Variants in GCN1 observed in about 807,000 individuals in gnomAD.
GCN1 encodes the protein stalled ribosome sensor GCN1.
A neutral mutation model predicts 288.4 loss-of-function variants in GCN1; 90 were observed. The observed-to-expected ratio is 0.31, with a 90% CI of 0.26 to 0.37. The LOEUF (loss-of-function observed/expected upper bound fraction) is 0.37, where lower values mean the gene tolerates loss of function less well. GCN1 is among the 10% of genes least tolerant of loss of function. GCN1 has a pLI of 1.00. For synonymous variants in GCN1, 1,386 were observed against 1,420.2 expected (o/e 0.98, Z 0.54); for missense variants, 2,586 against 3,419.9 (o/e 0.76, Z 6.08).
chr12:120,183,953 C>T (rs1168207052), intron 4 of GCN1, among the ~76,000 whole-genome samples, 159 bp downstream of exon 4: 1 of 152,198 alleles, frequency 6.6e-6, no homozygotes, highest in African/African-American at 2.4e-5. Context: ...CTCAAAATGG[C>T]CTTGCTTCCA....
chr12:120,138,051 G>T lies in GCN1; in HGVS notation c.6250-7C>A, dbSNP rs1877070623. 3 of 1,608,828 alleles carry T rather than the reference G, an allele frequency of 1.9e-6. No homozygotes were observed. The highest frequency in any genetic ancestry group is 1.7e-5 in the Admixed American group (1 of 59,134). ...TGACAGGTGGCGTTGTCAGCTGGTGGAATGACAAACATTAACTCAGTGAAT... is the reference window on the plus strand; with the variant it reads ...TGACAGGTGGCGTTGTCAGCTGGTGTAATGACAAACATTAACTCAGTGAAT... On this transcript the variant is annotated splice_polypyrimidine_tract_variant and splice_region_variant and intron_variant, in intron 47 of 57. Transcript: ENST00000300648.
At chr12:120,146,541 G>GT (rs1353406903) in intron 38 of GCN1, among the ~76,000 whole-genome samples, 1 of 151,462 alleles carries the variant, frequency 6.6e-6, no homozygotes, top group African/African-American at 2.4e-5. Flanking sequence ...TGTTTTTCTG[G>GT]TTTTTTAATT....
At chr12:120,177,859 C>T (rs1878529376) in intron 7 of GCN1, 107 bp from the exon 8 acceptor site, 1 of 829,268 alleles carries the variant, frequency 1.2e-6, no homozygotes, top group Non-Finnish European at 2.1e-6. Flanking sequence ...AAATCAATGC[C>T]CCAAATTTCA....
At position 120,153,864 on chromosome 12, in the gene GCN1, G is replaced by C. The variant is rs762466014; in HGVS notation, c.3747C>G (p.Asp1249Glu). ...GAAAGAGTGGCTTCACCTGAGAGCT[G>C]TCCAAATACTGGGAGAGCTTGTTGA... ...LALNKLSQYL[D>E]SSQVKPLFQF... The change falls in exon 32 of 58, where the codon GAC (aspartate) becomes GAG (glutamate). Residue 1249 changes from aspartate (D) to glutamate (E), a missense_variant. Around this residue, in one of 8 missense-constraint regions of GCN1, gnomAD observed 332 missense variants for 403.0 expected, o/e 0.82. Transcript: ENST00000300648. This position sits in a 1 kb window ranked among gnomAD's most constrained non-coding sequence, Gnocchi z 4.4. 4.3e-6 allele frequency: 7 copies of C among 1,613,826 alleles called. No homozygotes were observed. In the Admixed American group the frequency reaches 1.0e-4, roughly 23 times the overall value.
In GCN1 at chr12:120,145,346, A is replaced by C; in HGVS notation, c.4948-16T>G. The stretch of plus-strand genomic sequence containing the variant: ...GAGCCAAGTCCTGCAACAACACAGG[A>C]GGCGGCTCAGGTGAGGCCCGACTCC... On this transcript the variant is annotated splice_polypyrimidine_tract_variant and intron_variant, in intron 38 of 57. Coordinates refer to ENST00000300648, the MANE Select transcript of GCN1 (RefSeq NM_006836.2). 2 of 1,554,152 alleles carry C rather than the reference A, an allele frequency of 1.3e-6. No individual in the cohort carries two copies. Among genetic ancestry groups the C allele is most frequent in the Non-Finnish European group, 1.7e-6 (2 of 1,151,120 alleles).
rs1369645467 is a variant in GCN1 at position 120,158,949 on chromosome 12, T to G, written c.2750-334A>C. On this transcript the variant is annotated intron_variant, in intron 24 of 57. Transcript: ENST00000300648. The surrounding 1 kb of genome is among the most constrained non-coding windows in gnomAD (Gnocchi z 4.3). The stretch of plus-strand genomic sequence containing the variant: ...ATGGCATGAACCCGGGAAGCGGAGC[T>G]GGCAGTGAGCCAAGATGGCGCCACT... Among the ~76,000 whole-genome samples the G allele has an allele frequency of 1.4e-5, 2 of 147,816 alleles. No individual in the cohort carries two copies. Among genetic ancestry groups the G allele is most frequent in the Admixed American group, 1.4e-4 (2 of 14,446 alleles).
intron 13 of GCN1, 59 bp from the exon 14 acceptor site, chr12:120,173,885 G>A: frequency 7.0e-7 from 1 of 1,435,872 alleles, no homozygotes. Context: ...TCAAATCATT[G>A]CAAGCAGTGC....
rs570424463 is a variant in GCN1 at position 120,150,674 on chromosome 12, A to C, written c.4309+471T>G. Among the ~76,000 whole-genome samples, 799 of 152,030 alleles carry C rather than the reference A, an allele frequency of 5.3e-3. 4 individuals carry two copies. The highest frequency in any genetic ancestry group is 8.0e-3 in the Non-Finnish European group (547 of 67,964). ...AATTTGTGGCCGGGCGCGGTGGTTC[A>C]TGCCTGTAATCCCAGCACTTTGGGA... is the stretch of plus-strand genomic sequence containing the variant. On this transcript the variant is annotated intron_variant, in intron 34 of 57. Transcript: ENST00000300648.
Position 120,179,308 on chromosome 12 carries a change from G to A in GCN1, c.427-358C>T, listed in dbSNP as rs550918476. Among the ~76,000 whole-genome samples the A allele has an allele frequency of 3.3e-5, 5 of 151,270 alleles. No homozygotes were observed. The South Asian group carries it at 1.0e-3, about 32-fold the overall frequency. On this transcript the variant is annotated intron_variant, in intron 5 of 57. Transcript: ENST00000300648. ...TGCAGTGGCACAATCTCGGCTCACT[G>A]CAACCTCCACCTCCCGGGTTCAAGT...
chr12:120,143,442 C>T (rs1484883341), intron 42 of GCN1, among the ~76,000 whole-genome samples: 1 of 152,144 alleles, frequency 6.6e-6, no homozygotes, highest in Non-Finnish European at 1.5e-5. Context: ...ATTAGCCAGG[C>T]GTGCTGGCAG....
chr12:120,130,938 G>C (rs1262416493), intron 55 of GCN1, among the ~76,000 whole-genome samples, 185 bp from the exon 56 acceptor site: 1 of 152,106 alleles, frequency 6.6e-6, no homozygotes, highest in African/African-American at 2.4e-5. Context: ...TGGTTCCCAG[G>C]AACAGGGATC....
chr12:120,132,910 T>C (rs1876876201), intron 53 of GCN1, among the ~76,000 whole-genome samples: 3 of 152,120 alleles, frequency 2.0e-5, no homozygotes, highest in Non-Finnish European at 4.4e-5. Flanking sequence ...GAAGCCCAGG[T>C]GCCAAGCTAA....
intron 17 of GCN1, 41 bp from the exon 18 acceptor site, chr12:120,164,536 A>T (rs756855028): frequency 6.2e-7 from 1 of 1,608,128 alleles, no homozygotes; most frequent in Non-Finnish European, 8.5e-7. Context: ...GAAGGCCAAG[A>T]GCAGGGCTTT....
At position 120,158,494 on chromosome 12, in the gene GCN1, G is replaced by C; in HGVS notation, c.2871C>G (p.His957Gln). 1 of 1,562,124 alleles carries C rather than the reference G, an allele frequency of 6.4e-7. No homozygotes were observed. Among genetic ancestry groups the C allele is most frequent in the Non-Finnish European group, 8.7e-7 (1 of 1,152,790 alleles). ...CCTTGCCCACCCTGCTGGTGATGGT[G>C]TGGGTGTGCAGCAGCATCACCGCCC... The part of the protein sequence containing the change: ...VKRAVMLLHT[H>Q]TITSRVGKGE... The change falls in exon 25 of 58, where the codon CAC becomes CAG. Residue 957 changes from histidine (H) to glutamine (Q), a missense_variant. Transcript: ENST00000300648. The surrounding 1 kb of genome is among the most constrained non-coding windows in gnomAD (Gnocchi z 4.3).
At chr12:120,165,175 T>C (rs1284674366) in intron 16 of GCN1, among the ~76,000 whole-genome samples, 2 of 151,604 alleles carry the variant, frequency 1.3e-5, no homozygotes, top group African/African-American at 4.9e-5. Context: ...GCCTCTCGAG[T>C]AGCTGGGACG....
In GCN1 at chr12:120,153,854, C is replaced by T. The variant is rs1269691148; in HGVS notation, c.3757G>A (p.Val1253Met). Residue 1253 changes from valine (V) to methionine (M), a missense_variant, in exon 32 of 58, where the codon GTG (valine) becomes ATG (methionine). Val to Met is a conservative substitution (Grantham distance 21, BLOSUM62 1). Coordinates refer to ENST00000300648, the MANE Select transcript of GCN1 (RefSeq NM_006836.2). This position sits in a 1 kb window ranked among gnomAD's most constrained non-coding sequence, Gnocchi z 4.4. The stretch of plus-strand genomic sequence containing the variant: ...ACAAAAAACTGAAAGAGTGGCTTCA[C>T]CTGAGAGCTGTCCAAATACTGGGAG... ...KLSQYLDSSQ[V>M]KPLFQFFVPD... 1 of 1,614,072 alleles carries T rather than the reference C, an allele frequency of 6.2e-7. No homozygotes were observed. Among genetic ancestry groups the T allele is most frequent in the Non-Finnish European group, 8.5e-7 (1 of 1,179,930 alleles).
rs748451621 is a variant in GCN1, at chr12:120,158,605, C to G, written c.2760G>C (p.Val920=). 1.2e-6 allele frequency: 2 copies of G among 1,605,472 alleles called. No homozygotes were observed. The highest frequency in any genetic ancestry group is 2.7e-5 in the African/African-American group (2 of 74,800). The change falls in exon 25 of 58, where the codon GTG becomes GTC. Residue 920 remains valine, a synonymous_variant. Coordinates refer to ENST00000300648, the MANE Select transcript of GCN1 (RefSeq NM_006836.2). This position sits in a 1 kb window ranked among gnomAD's most constrained non-coding sequence, Gnocchi z 4.3. ...TCAGCAGGCGCAGGGTCACGTGGCT[C>G]ACCAAAGTGCCTGTGTTGAAGAGGA... is the stretch of plus-strand genomic sequence containing the variant. ...PSRLKALGTL[V]SHVTLRLLKP...
At chr12:120,194,283 T>G (rs1429322050) in intron 1 of GCN1, among the ~76,000 whole-genome samples, 1 of 152,216 alleles carries the variant, frequency 6.6e-6, no homozygotes, top group Non-Finnish European at 1.5e-5. Flanking sequence ...AAGTCCCTGC[T>G]CATAGTAGGT....
chr12:120,151,013 A>G (rs1443210855), intron 34 of GCN1, 132 bp downstream of exon 34: 2 of 971,318 alleles, frequency 2.1e-6, no homozygotes, highest in Non-Finnish European at 3.1e-6. Flanking sequence ...ACTGGGTCGC[A>G]CACAGCGGGG....
Sources: gnomAD v4.1 joint callset for allele counts (sites outside exome capture counted in the v4.1 genomes callset) on GRCh38, gnomAD v4.1.1 for gene constraint, gnomAD v4.1.1 regional missense constraint, Gnocchi (gnomAD v3.1) non-coding constraint, MANE v1.5 for transcripts, NCBI Gene and HGNC (gene_info 2026-07-23, HGNC 2026-07-21) for gene names.